The following SBF2 variants were observed in gnomAD, a reference collection of about 807,000 sequenced individuals.
SBF2 encodes SET binding factor 2.
In SBF2, 112 loss-of-function variants were observed where a neutral mutation model predicts 225.2. That is an observed-to-expected ratio of 0.50 (90% CI 0.43 to 0.58). The LOEUF (loss-of-function observed/expected upper bound fraction) is 0.58. Among genes scored for constraint, SBF2 ranks in the 20% least tolerant of loss-of-function variants. SBF2 has a pLI of 0.00. For synonymous variants in SBF2, 763 were observed against 773.3 expected (o/e 0.99, Z 0.22); for missense variants, 1,996 against 2,206.2 (o/e 0.90, Z 1.91).
intron 2 of SBF2, among the ~76,000 whole-genome samples, chr11:10,093,678 C>A (rs1360171461): frequency 1.3e-5 from 2 of 152,196 alleles, no homozygotes; most frequent in African/African-American, 4.8e-5. Context: ...TAGTCTCCCA[C>A]TAAACTGTGA....
intron 13 of SBF2, among the ~76,000 whole-genome samples, chr11:9,975,572 T>C (rs1590656411): frequency 6.6e-6 from 1 of 152,214 alleles, no homozygotes; most frequent in African/African-American, 2.4e-5. Flanking sequence ...TATGACTTCA[T>C]GCATTTGTCA....
chr11:9,963,662 C>G, intron 15 of SBF2, 111 bp downstream of exon 15: 1 of 663,778 alleles, frequency 1.5e-6, no homozygotes, highest in Admixed American at 2.5e-5. Flanking sequence ...TGAGAGGATA[C>G]TTTATTAGGA....
chr11:10,090,764 C>CCAAAAAAAAAAAAAA (rs1951749539), intron 2 of SBF2, among the ~76,000 whole-genome samples: 1 of 44,428 alleles, frequency 2.3e-5, no homozygotes, highest in African/African-American at 8.9e-5. Context: ...GATTCCATCT[C>CCAAAAAAAAAAAAAA]AAAAAAAAAA....
intron 3 of SBF2, among the ~76,000 whole-genome samples, chr11:10,032,304 A>G (rs773597237): frequency 8.6e-5 from 13 of 152,042 alleles, no homozygotes; most frequent in Middle Eastern, 6.8e-3. Flanking sequence ...CTGATTTCTT[A>G]CCTCCTCTAT....
At chr11:10,211,111 T>C (rs954646048) in intron 1 of SBF2, among the ~76,000 whole-genome samples, 2 of 149,892 alleles carry the variant, frequency 1.3e-5, no homozygotes, top group Admixed American at 6.8e-5. Flanking sequence ...CTGCTTTTAT[T>C]TGACAATGTA....
chr11:9,878,329 C>T lies in SBF2; in HGVS notation c.1929+17614G>A, dbSNP rs573490550. On this transcript the variant is annotated intron_variant, in intron 17 of 39. Transcript: ENST00000256190. The stretch of plus-strand genomic sequence containing the variant: ...GATGAGCAGATTGCAAAAATTTCCT[C>T]CCATTCCGTAGGTTGCCTGTTCACT... Among the ~76,000 whole-genome samples, 5 of 152,250 alleles carry T rather than the reference C, an allele frequency of 3.3e-5. No individual in the cohort carries two copies. The East Asian group carries it at 7.7e-4, about 24-fold the overall frequency.
intron 4 of SBF2, among the ~76,000 whole-genome samples, chr11:10,030,804 T>C (rs1184276162): frequency 6.6e-6 from 1 of 152,212 alleles, no homozygotes; most frequent in Non-Finnish European, 1.5e-5. Flanking sequence ...CTGGATTCAA[T>C]AAATGTGGGA....
chr11:9,955,204 AAAACTCTTCT>A (rs1866083902), intron 16 of SBF2, among the ~76,000 whole-genome samples: 1 of 152,078 alleles, frequency 6.6e-6, no homozygotes, highest in Non-Finnish European at 1.5e-5. Context: ...AATGGAAATC[AAAACTCTTCT>A]AATCCACATC....
intron 16 of SBF2, chr11:9,958,610 G>A (rs952921703): frequency 5.2e-5 from 11 of 210,994 alleles, no homozygotes; most frequent in African/African-American, 1.9e-4. Flanking sequence ...CGCCCGCCTC[G>A]GCCTCCCAAA....
intron 33 of SBF2, among the ~76,000 whole-genome samples, chr11:9,794,672 GTC>G (rs1393249444): frequency 2.7e-4 from 2 of 7,532 alleles, no homozygotes; most frequent in African/African-American, 5.5e-4. Context: ...GTGGGACTCC[GTC>G]TCAAAAAAAA....
At chr11:10,223,399 T>TTTTATATATATATATATA (rs1279386744) in intron 1 of SBF2, among the ~76,000 whole-genome samples, 7 of 59,272 alleles carry the variant, frequency 1.2e-4, no homozygotes, top group African/African-American at 1.2e-4. Flanking sequence ...ATTTTGCACA[T>TTTTATATATATATATATA]TATATATATA....
At chr11:9,961,247 C>T (rs1866549602) in intron 16 of SBF2, 1 of 152,042 alleles carries the variant, frequency 6.6e-6, no homozygotes, top group Non-Finnish European at 1.5e-5. Context: ...TTCCAATGTA[C>T]CAATATTTAA....
chr11:9,782,232 C>T (rs1852060706), intron 38 of SBF2, among the ~76,000 whole-genome samples: 2 of 145,928 alleles, frequency 1.4e-5, no homozygotes, highest in African/African-American at 2.5e-5. Context: ...GTATATGTAA[C>T]ATATAAAAAG....
chr11:9,863,913 C>T (rs1250572086), intron 17 of SBF2, among the ~76,000 whole-genome samples: 3 of 152,106 alleles, frequency 2.0e-5, no homozygotes, highest in Non-Finnish European at 4.4e-5. Flanking sequence ...ATAAAGAATA[C>T]ATAAGTTATA....
chr11:10,178,823 A>T (rs1207717273), intron 2 of SBF2, among the ~76,000 whole-genome samples: 8 of 149,404 alleles, frequency 5.4e-5, no homozygotes, highest in Non-Finnish European at 8.9e-5. Flanking sequence ...ATACCATTTG[A>T]CTCAGCCATC....
intron 28 of SBF2, among the ~76,000 whole-genome samples, chr11:9,823,990 A>G (rs556721245): frequency 1.4e-4 from 22 of 152,214 alleles, no homozygotes; most frequent in Non-Finnish European, 2.9e-4. Flanking sequence ...GGAGTAAAAA[A>G]CTGTCATAAG....
At chr11:10,231,771 A>G (rs1958858772) in intron 1 of SBF2, among the ~76,000 whole-genome samples, 1 of 152,172 alleles carries the variant, frequency 6.6e-6, no homozygotes, top group African/African-American at 2.4e-5. Flanking sequence ...CCACTTGAGG[A>G]GGCAGTCTGC....
At chr11:9,911,273 C>T (rs549368323) in intron 16 of SBF2, among the ~76,000 whole-genome samples, 11 of 150,670 alleles carry the variant, frequency 7.3e-5, no homozygotes, top group South Asian at 2.1e-4. Context: ...GAGGCTGAGG[C>T]GGAGAATTAC....
chr11:10,004,052 C>T (rs1235435778), intron 6 of SBF2, among the ~76,000 whole-genome samples: 1 of 152,070 alleles, frequency 6.6e-6, no homozygotes, highest in Non-Finnish European at 1.5e-5. Context: ...CAACTTATCC[C>T]ATGTGATACA....
Sources: allele counts gnomAD v4.1 joint callset (sites outside exome capture counted in the v4.1 genomes callset), GRCh38; gene constraint gnomAD v4.1.1; transcripts MANE v1.5; gene names NCBI Gene and HGNC (gene_info 2026-07-23, HGNC 2026-07-21).